The following VEGFC variants were observed in gnomAD, a reference collection of about 807,000 sequenced individuals.
The protein encoded by VEGFC is FLT4 ligand DHM.
A neutral mutation model predicts 46.1 loss-of-function variants in VEGFC; 12 were observed. The observed-to-expected ratio is 0.26, with a 90% CI of 0.17 to 0.42. The LOEUF (loss-of-function observed/expected upper bound fraction) is 0.42, where lower values mean the gene tolerates loss of function less well. VEGFC is among the 10% of genes least tolerant of loss of function. The pLI is 1.00. For synonymous variants in VEGFC, 232 were observed against 195.5 expected (o/e 1.19, Z -1.56); for missense variants, 488 against 529.4 (o/e 0.92, Z 0.77).
intron 4 of VEGFC, among the ~76,000 whole-genome samples, chr4:176,707,885 C>T (rs1287050399): frequency 6.6e-6 from 1 of 151,828 alleles, no homozygotes; most frequent in African/African-American, 2.4e-5. Flanking sequence ...CATTGGTTGC[C>T]CTGTGGATAT....
Position 176,792,248 on chromosome 4 carries a change from G to T in VEGFC, c.64C>A (p.Pro22Thr). Residue 22 changes from proline (P) to threonine (T), a missense_variant, in exon 1 of 7, where the codon CCT (proline) becomes ACT (threonine). Pro to Thr is a conservative substitution (Grantham distance 38). Coordinates refer to ENST00000618562, the MANE Select transcript of VEGFC (RefSeq NM_005429.5). The surrounding 1 kb of genome is among the most constrained non-coding windows in gnomAD (Gnocchi z 6.3). ...SLLAAALLPG[P>T]REAPAAAAAF... ...GCGGCGGCGGCGGGCGCCTCGCGAG[G>T]ACCCGGGAGCAGCGCAGCGGCGAGC... is the stretch of plus-strand genomic sequence containing the variant. 6.4e-7 allele frequency: 1 copy of T among 1,557,630 alleles called. No individual in the cohort carries two copies. The highest frequency in any genetic ancestry group is 8.7e-7 in the Non-Finnish European group (1 of 1,154,824).
intron 1 of VEGFC, among the ~76,000 whole-genome samples, chr4:176,779,158 C>G (rs1163808728): frequency 1.3e-5 from 2 of 151,930 alleles, no homozygotes; most frequent in African/African-American, 4.8e-5. Flanking sequence ...ATGTATAAAT[C>G]AAAATAGTGG....
chr4:176,728,054 A>G (rs1734902985), intron 2 of VEGFC, 86 bp from the exon 3 acceptor site: 9 of 1,126,390 alleles, frequency 8.0e-6, no homozygotes, highest in African/African-American at 6.3e-5. Context: ...ACTCACATTC[A>G]TTTCAGATTT....
At chr4:176,732,807 A>T (rs776929801) in intron 1 of VEGFC, among the ~76,000 whole-genome samples, 31 of 151,910 alleles carry the variant, frequency 2.0e-4, no homozygotes, top group Non-Finnish European at 3.5e-4. Flanking sequence ...AGCAATTTAC[A>T]TAATTTTTAA....
intron 1 of VEGFC, among the ~76,000 whole-genome samples, chr4:176,731,844 A>G (rs1734970229): frequency 1.3e-5 from 2 of 152,048 alleles, no homozygotes; most frequent in African/African-American, 4.8e-5. Context: ...TTTAAGACAG[A>G]CAAATTAGTA....
At chr4:176,783,199 G>A (rs908997397) in intron 1 of VEGFC, among the ~76,000 whole-genome samples, 12 of 152,214 alleles carry the variant, frequency 7.9e-5, no homozygotes, top group African/African-American at 2.2e-4. Flanking sequence ...CCCAGTGTCC[G>A]CACATCTCAG....
At chr4:176,709,759 T>C (rs935596746) in intron 4 of VEGFC, among the ~76,000 whole-genome samples, 8 of 152,192 alleles carry the variant, frequency 5.3e-5, no homozygotes, top group African/African-American at 1.9e-4. Context: ...AAAGTCACTG[T>C]TTCTGGTGAG....
At chr4:176,731,410 G>C (rs540922858) in intron 1 of VEGFC, among the ~76,000 whole-genome samples, 20 of 152,012 alleles carry the variant, frequency 1.3e-4, no homozygotes, top group Admixed American at 3.3e-4. Flanking sequence ...CAATGTACAT[G>C]TACAGCAAAA....
chr4:176,700,296 A>G (rs901179281), intron 4 of VEGFC, among the ~76,000 whole-genome samples: 1 of 152,066 alleles, frequency 6.6e-6, no homozygotes, highest in Non-Finnish European at 1.5e-5. Flanking sequence ...ACGTGCTTGT[A>G]ATCCCAGTTA....
At chr4:176,779,346 C>T (rs1228225622) in intron 1 of VEGFC, among the ~76,000 whole-genome samples, 2 of 152,042 alleles carry the variant, frequency 1.3e-5, no homozygotes, top group Non-Finnish European at 2.9e-5. Flanking sequence ...CTGTGATGGA[C>T]ATAGTTATTT....
intron 3 of VEGFC, among the ~76,000 whole-genome samples, chr4:176,712,269 T>C: frequency 6.6e-6 from 1 of 152,190 alleles, no homozygotes; most frequent in South Asian, 2.1e-4. Flanking sequence ...ATGTTTCTGC[T>C]ATCTTGGTAA....
At chr4:176,788,666 T>C (rs981680251) in intron 1 of VEGFC, among the ~76,000 whole-genome samples, 1 of 152,212 alleles carries the variant, frequency 6.6e-6, no homozygotes, top group Non-Finnish European at 1.5e-5. Flanking sequence ...AGTATTTTAC[T>C]GCATATTATT....
At chr4:176,745,486 A>C (rs1735245610) in intron 1 of VEGFC, among the ~76,000 whole-genome samples, 1 of 152,048 alleles carries the variant, frequency 6.6e-6, no homozygotes, top group South Asian at 2.1e-4. Context: ...AAATAGCCAG[A>C]TAGAGTTCCA....
At chr4:176,768,491 C>CATATATATATATAT (rs145504348) in intron 1 of VEGFC, among the ~76,000 whole-genome samples, 14,086 of 100,148 alleles carry the variant, frequency 0.14, 1,440 homozygotes, top group South Asian at 0.2. Flanking sequence ...ATGTTTTATA[C>CATATATATATATAT]ATATATATAT....
intron 1 of VEGFC, among the ~76,000 whole-genome samples, chr4:176,791,678 CTT>C (rs1188144150): frequency 6.6e-6 from 1 of 152,150 alleles, no homozygotes; most frequent in Non-Finnish European, 1.5e-5. Flanking sequence ...GTCCCTGACA[CTT>C]TTTTTCTAAA....
chr4:176,783,756 A>G (rs1735952269), intron 1 of VEGFC, among the ~76,000 whole-genome samples: 1 of 152,230 alleles, frequency 6.6e-6, no homozygotes, highest in Non-Finnish European at 1.5e-5. Flanking sequence ...TGTAGCCTCC[A>G]GACACTGAAT....
chr4:176,719,561 A>G (rs946009269), intron 3 of VEGFC, among the ~76,000 whole-genome samples: 4 of 152,206 alleles, frequency 2.6e-5, no homozygotes, highest in South Asian at 2.1e-4. Context: ...ATGCACTTCC[A>G]TAAGCCTTTG....
At chr4:176,767,965 G>C (rs747876465) in intron 1 of VEGFC, among the ~76,000 whole-genome samples, 8 of 152,094 alleles carry the variant, frequency 5.3e-5, no homozygotes, top group Non-Finnish European at 1.2e-4. Context: ...ACAGCCAAGA[G>C]GATTGGATTC....
intron 1 of VEGFC, among the ~76,000 whole-genome samples, chr4:176,787,371 C>T (rs994041666): frequency 2.0e-5 from 3 of 149,914 alleles, no homozygotes; most frequent in Admixed American, 1.3e-4. Context: ...GCACGAGAAT[C>T]GCTTGAACCC....
Sources: gnomAD v4.1 joint callset for allele counts (sites outside exome capture counted in the v4.1 genomes callset) on GRCh38, gnomAD v4.1.1 for gene constraint, Gnocchi (gnomAD v3.1) non-coding constraint, MANE v1.5 for transcripts, NCBI Gene and HGNC (gene_info 2026-07-23, HGNC 2026-07-21) for gene names.